The following NCOA6 variants were observed in gnomAD, a reference collection of about 807,000 sequenced individuals.
NCOA6 encodes nuclear receptor coactivator 6, also known as NRC RAP250.
NCOA6 carries 49 observed loss-of-function variants against 171.4 expected under a neutral mutation model. The ratio of observed to expected loss-of-function variants is 0.29; its 90% CI spans 0.23 to 0.36. The LOEUF is 0.36. NCOA6 is among the 10% of genes least tolerant of loss of function. The probability of loss-of-function intolerance (pLI) is 1.00; values close to 1 mark genes in which losing one functional copy is unlikely to be tolerated. For synonymous variants in NCOA6, 910 were observed against 927.5 expected (o/e 0.98, Z 0.34); for missense variants, 2,248 against 2,554.5 (o/e 0.88, Z 2.59).
Position 34,757,544 on chromosome 20 carries a change from G to C in NCOA6, c.1204C>G (p.Pro402Ala). 1 of 1,613,962 alleles carries C rather than the reference G, an allele frequency of 6.2e-7. No homozygotes were observed. The highest frequency in any genetic ancestry group is 8.5e-7 in the Non-Finnish European group (1 of 1,179,966). ...QMSNPGQFTA[P>A]QMKSLQGGPS... ...CCTCCCTGCAAACTCTTCATCTGAG[G>C]AGCTGTGAACTGGCCTGGGTTGCTC... Residue 402 changes from proline (P) to alanine (A), a missense_variant, in exon 7 of 15, where the codon CCT (proline) becomes GCT (alanine). This residue lies in a region of NCOA6 where 987 missense variants were observed against 1,104.7 expected (regional missense o/e 0.89). Coordinates refer to ENST00000359003, the MANE Select transcript of NCOA6 (RefSeq NM_014071.5).
intron 3 of NCOA6, chr20:34,776,705 A>G (rs1490535605): frequency 5.1e-6 from 3 of 587,388 alleles, no homozygotes; most frequent in Non-Finnish European, 9.4e-6. Context: ...AAACTACTTC[A>G]TATGATTTTT....
At chr20:34,752,590 A>G (rs1056588218) in intron 8 of NCOA6, among the ~76,000 whole-genome samples, 1 of 152,154 alleles carries the variant, frequency 6.6e-6, no homozygotes, top group African/African-American at 2.4e-5. Flanking sequence ...AAAGTAAGAG[A>G]TAAGAGTAGA....
At chr20:34,724,381 C>T (rs960697266) in intron 14 of NCOA6, among the ~76,000 whole-genome samples, 1 of 152,212 alleles carries the variant, frequency 6.6e-6, no homozygotes, top group Non-Finnish European at 1.5e-5. Flanking sequence ...TGCCTAGAGA[C>T]ATAACCTGCC....
chr20:34,778,784 C>T (rs947425746), intron 3 of NCOA6, among the ~76,000 whole-genome samples: 2 of 151,588 alleles, frequency 1.3e-5, no homozygotes, highest in African/African-American at 4.8e-5. Context: ...CGGTGAAACC[C>T]CATCTCTACT....
intron 1 of NCOA6, among the ~76,000 whole-genome samples, chr20:34,813,316 A>C (rs1353400153): frequency 2.0e-5 from 3 of 151,804 alleles, no homozygotes; most frequent in African/African-American, 7.3e-5. Context: ...AAATATAAAA[A>C]TTAGCCAGGC....
intron 1 of NCOA6, among the ~76,000 whole-genome samples, chr20:34,824,525 C>G (rs1176281843): frequency 3.3e-5 from 5 of 152,306 alleles, no homozygotes; most frequent in South Asian, 2.1e-4. Flanking sequence ...TGGGCTGTCC[C>G]CTTCCAGGGA....
In NCOA6 at chr20:34,742,989, T is replaced by C; in HGVS notation, c.3267A>G (p.Pro1089=). 1 of 1,613,672 alleles carries C rather than the reference T, an allele frequency of 6.2e-7. No individual in the cohort carries two copies. Residue 1089 remains proline, a synonymous_variant, in exon 11 of 15, where the codon CCA becomes CCG. Coordinates refer to ENST00000359003, the MANE Select transcript of NCOA6 (RefSeq NM_014071.5). ...GCATTCTTTGTTTATCAGGTGATGG[T>C]GGCACGGAGGCAGGTCCTTGCAGAC... ...MVSLQGPASV[P]PSPDKQRMPM...
At chr20:34,768,321 G>T in intron 5 of NCOA6, 143 bp downstream of exon 5, 1 of 1,082,488 alleles carries the variant, frequency 9.2e-7, no homozygotes, top group Non-Finnish European at 1.3e-6. Flanking sequence ...CTCCGGGAAG[G>T]ACTCATGTCT....
chr20:34,823,409 G>C (rs2079063292), intron 1 of NCOA6, among the ~76,000 whole-genome samples: 1 of 152,120 alleles, frequency 6.6e-6, no homozygotes. Flanking sequence ...AATGAATTGT[G>C]TTGCTGTATA....
chr20:34,780,010 C>T (rs535822864), intron 3 of NCOA6, among the ~76,000 whole-genome samples: 2 of 152,302 alleles, frequency 1.3e-5, no homozygotes, highest in East Asian at 3.9e-4. Context: ...TCAGAGATGA[C>T]ATTAAAACCC....
At chr20:34,758,437 C>T (rs1376030423) in intron 6 of NCOA6, among the ~76,000 whole-genome samples, 2 of 152,124 alleles carry the variant, frequency 1.3e-5, no homozygotes, top group East Asian at 1.9e-4. Flanking sequence ...AACTTAGATG[C>T]GTTTCTTCAC....
chr20:34,782,155 T>G lies in NCOA6; in HGVS notation c.201A>C (p.Ala67=). ...ACAAATTGGGCACGTTTTTCAATAT[T>G]GCATCTAATTTCCATTTGAAGTCTT... ...DDKDFKWKLD[A]ILKNVPNLLH... Residue 67 remains alanine (A), a synonymous_variant, in exon 3 of 15, where the codon GCA becomes GCC. Coordinates refer to ENST00000359003, the MANE Select transcript of NCOA6 (RefSeq NM_014071.5). 5 of 1,606,192 alleles carry G rather than the reference T, an allele frequency of 3.1e-6. No homozygotes were observed. The highest frequency in any genetic ancestry group is 4.3e-6 in the Non-Finnish European group (5 of 1,176,190).
chr20:34,774,790 T>C (rs533922058), intron 4 of NCOA6, among the ~76,000 whole-genome samples: 1 of 152,308 alleles, frequency 6.6e-6, no homozygotes, highest in South Asian at 2.1e-4. Context: ...CTTACTAAAG[T>C]CATAAGCTCT....
chr20:34,759,793 T>TA (rs1413934870), intron 5 of NCOA6, among the ~76,000 whole-genome samples: 8 of 152,202 alleles, frequency 5.3e-5, no homozygotes, highest in African/African-American at 1.9e-4. Flanking sequence ...TGAGAGTGTC[T>TA]TTAGACTATA....
rs570303645 is a variant in NCOA6, at chr20:34,741,984, G to C, written c.4272C>G (p.Asp1424Glu). Residue 1424 changes from aspartate to glutamate, a missense_variant, in exon 11 of 15, where the codon GAC becomes GAG. Transcript: ENST00000359003. ...DNKESLNVPQ[D>E]SDCQNSQSRK... ...TACTCTGGGAATTCTGGCAATCACT[G>C]TCCTGAGGCACATTCAAGCTCTCCT... 3.3e-5 allele frequency: 54 copies of C among 1,614,118 alleles called. 1 individual carries two copies. The South Asian group carries it at 5.3e-4, about 16-fold the overall frequency.
rs1294585484 is a variant in NCOA6 at position 34,714,841 on chromosome 20, G to A, written c.*481C>T. On this transcript the variant is annotated 3_prime_UTR_variant, in exon 15 of 15. Coordinates refer to ENST00000359003, the MANE Select transcript of NCOA6 (RefSeq NM_014071.5). The stretch of plus-strand genomic sequence containing the variant: ...TTTATTTAACACGTTATTTCACATT[G>A]TACAAATCCTTAGATTCTCTTTATT... 6.4e-6 allele frequency: 1 copy of A among 156,252 alleles called. No individual in the cohort carries two copies. The highest frequency in any genetic ancestry group is 1.4e-5 in the Non-Finnish European group (1 of 70,230). 9.7% of individuals were successfully genotyped at this position (156,252 alleles called of 1,614,324 possible).
At chr20:34,753,885 G>A (rs2378259) in intron 8 of NCOA6, among the ~76,000 whole-genome samples, 72,698 of 151,982 alleles carry the variant, frequency 0.48, 17,803 homozygotes, top group Admixed American at 0.61. Flanking sequence ...GGAGGGATGG[G>A]AATTCAGAAA....
intron 13 of NCOA6, 149 bp downstream of exon 13, chr20:34,732,410 C>T: frequency 1.6e-6 from 1 of 622,918 alleles, no homozygotes; most frequent in Non-Finnish European, 2.6e-6. Flanking sequence ...GGACTCATGA[C>T]AGCTCTCTAC....
intron 2 of NCOA6, among the ~76,000 whole-genome samples, chr20:34,784,831 A>G (rs1431688239): frequency 6.6e-6 from 1 of 151,958 alleles, no homozygotes; most frequent in African/African-American, 2.4e-5. Context: ...CTGTAATCCC[A>G]GCACTTTAGG....
Sources: gnomAD v4.1 joint callset for allele counts (sites outside exome capture counted in the v4.1 genomes callset) on GRCh38, gnomAD v4.1.1 for gene constraint, gnomAD v4.1.1 regional missense constraint, MANE v1.5 for transcripts, NCBI Gene and HGNC (gene_info 2026-07-23, HGNC 2026-07-21) for gene names.